SPIDR: variants seen among roughly 807,000 people sequenced by gnomAD.
SPIDR encodes scaffold protein involved in DNA repair, also known as DNA repair-scaffolding protein.
SPIDR carries 93 observed loss-of-function variants against 104.6 expected under a neutral mutation model. The ratio of observed to expected loss-of-function variants is 0.89; its 90% CI spans 0.75 to 1.06. SPIDR has a LOEUF of 1.06. SPIDR is among the 50% of genes least tolerant of loss of function. The probability of loss-of-function intolerance (pLI) is 0.00; values close to 1 mark genes in which losing one functional copy is unlikely to be tolerated. For missense variants in SPIDR, 1,154 were observed against 1,111.2 expected (o/e 1.04, Z -0.55); for synonymous variants, 431 against 416.9 (o/e 1.03, Z -0.41).
In SPIDR at chr8:47,533,685, A is replaced by G. The variant is rs796905376; in HGVS notation, c.1098-62126A>G. Among the ~76,000 whole-genome samples, 5 of 152,356 alleles carry G rather than the reference A, an allele frequency of 3.3e-5. No homozygotes were observed. The East Asian group carries it at 5.8e-4, about 18-fold the overall frequency. Reference sequence around the variant, plus strand: ...AAAAAAAACCTCAACATCACTGATCATTAGAGAAATGCAAATCAAAACCAC... The same window carrying G: ...AAAAAAAACCTCAACATCACTGATCGTTAGAGAAATGCAAATCAAAACCAC... On this transcript the variant is annotated intron_variant, in intron 8 of 19. Transcript: ENST00000297423.
intron 7 of SPIDR, among the ~76,000 whole-genome samples, chr8:47,436,539 A>G (rs1385307607): frequency 6.6e-6 from 1 of 152,050 alleles, no homozygotes; most frequent in Non-Finnish European, 1.5e-5. Context: ...CTGGGCAATA[A>G]AGTGAGACCC....
Position 47,293,858 on chromosome 8 carries a change from AT to A in SPIDR, c.362-3del. The A allele has an allele frequency of 1.3e-6, 2 of 1,598,888 alleles. No individual in the cohort carries two copies. The highest frequency in any genetic ancestry group is 1.7e-6 in the Non-Finnish European group (2 of 1,171,736). ...GATAATTAAGCAAGTTAAAAATTAT[AT>A]TTTTTAGATGAATTACAGTTTATCG... On this transcript the variant is annotated splice_polypyrimidine_tract_variant and splice_region_variant and intron_variant, in intron 4 of 19. Transcript: ENST00000297423.
chr8:47,297,165 A>G (rs1388759279), intron 5 of SPIDR, among the ~76,000 whole-genome samples: 1 of 152,174 alleles, frequency 6.6e-6, no homozygotes, highest in East Asian at 1.9e-4. Flanking sequence ...CAGCAAACAG[A>G]TGATTTCTCT....
At chr8:47,679,849 G>A (rs572845169) in intron 11 of SPIDR, among the ~76,000 whole-genome samples, 115 of 152,354 alleles carry the variant, frequency 7.5e-4, no homozygotes, top group East Asian at 3.1e-3. Context: ...CTCATTTACC[G>A]TTATATTTTC....
chr8:47,277,522 C>G (rs2154219309), intron 1 of SPIDR, among the ~76,000 whole-genome samples: 1 of 150,766 alleles, frequency 6.6e-6, no homozygotes, highest in South Asian at 2.1e-4. Context: ...AACATTCCCA[C>G]CCCTGCTAAT....
At chr8:47,447,628 G>C (rs535695659) in intron 8 of SPIDR, among the ~76,000 whole-genome samples, 1 of 152,296 alleles carries the variant, frequency 6.6e-6, no homozygotes, top group South Asian at 2.1e-4. Context: ...AGCAGCATCA[G>C]GTTTGAGAGG....
At chr8:47,400,329 T>G (rs911411295) in intron 6 of SPIDR, among the ~76,000 whole-genome samples, 3 of 152,244 alleles carry the variant, frequency 2.0e-5, no homozygotes, top group Non-Finnish European at 2.9e-5. Flanking sequence ...ATTTTCTTCT[T>G]GTGATTTCTA....
At chr8:47,322,458 G>A (rs1554596735) in intron 5 of SPIDR, among the ~76,000 whole-genome samples, 1 of 152,152 alleles carries the variant, frequency 6.6e-6, no homozygotes, top group African/African-American at 2.4e-5. Context: ...GAGAGGATGT[G>A]GAGAAATAGG....
At chr8:47,448,122 G>T (rs559796484) in intron 8 of SPIDR, among the ~76,000 whole-genome samples, 49 of 152,174 alleles carry the variant, frequency 3.2e-4, no homozygotes, top group African/African-American at 1.2e-3. Context: ...TCTTTTTATA[G>T]TTATATCACT....
chr8:47,557,042 C>T (rs2091409778), intron 8 of SPIDR, among the ~76,000 whole-genome samples: 1 of 152,128 alleles, frequency 6.6e-6, no homozygotes, highest in African/African-American at 2.4e-5. Context: ...CTGCATTTTC[C>T]CAGAGAGCAG....
chr8:47,639,790 A>G (rs2068563020), intron 10 of SPIDR, among the ~76,000 whole-genome samples: 1 of 152,118 alleles, frequency 6.6e-6, no homozygotes, highest in Non-Finnish European at 1.5e-5. Flanking sequence ...TCTACTAAAA[A>G]TACAAAAATT....
At chr8:47,596,893 T>A (rs1413201344) in intron 9 of SPIDR, among the ~76,000 whole-genome samples, 3 of 151,984 alleles carry the variant, frequency 2.0e-5, no homozygotes, top group South Asian at 2.1e-4. Context: ...ACATACACAA[T>A]AGCCTAGATC....
intron 10 of SPIDR, among the ~76,000 whole-genome samples, chr8:47,604,437 T>A (rs1382018150): frequency 6.6e-6 from 1 of 152,142 alleles, no homozygotes; most frequent in Non-Finnish European, 1.5e-5. Context: ...TTGCCCTGCT[T>A]GAAAGTCAGC....
intron 8 of SPIDR, chr8:47,511,531 G>C: frequency 1.3e-6 from 1 of 782,020 alleles, no homozygotes; most frequent in South Asian, 1.3e-5. Context: ...CTGGGCATCG[G>C]ATGGGTCTCA....
rs1447179573 is a variant in SPIDR at position 47,735,590 on chromosome 8, G to A, written c.*140G>A. 6 of 1,499,238 alleles carry A rather than the reference G, an allele frequency of 4.0e-6. No individual in the cohort carries two copies. The East Asian group carries it at 1.5e-4, about 37-fold the overall frequency. The allele number at this position is 1,499,238 out of a possible 1,614,324, so 92.9% of individuals were successfully genotyped here. ...TGAAATGAAACTTAGATTTTTCTGG[G>A]GAAATGTTCAGATACAGTTTTGTGA... On this transcript the variant is annotated 3_prime_UTR_variant, in exon 20 of 20. Coordinates refer to ENST00000297423, the MANE Select transcript of SPIDR (RefSeq NM_001080394.4).
At chr8:47,462,541 A>T (rs1302193518) in intron 8 of SPIDR, among the ~76,000 whole-genome samples, 2 of 152,196 alleles carry the variant, frequency 1.3e-5, no homozygotes, top group Non-Finnish European at 2.9e-5. Flanking sequence ...ACGAAAACAT[A>T]ATGTACTAAA....
At chr8:47,720,825 T>G (rs1238271387) in intron 16 of SPIDR, among the ~76,000 whole-genome samples, 2 of 152,104 alleles carry the variant, frequency 1.3e-5, no homozygotes, top group Admixed American at 6.5e-5. Flanking sequence ...TGGTGCAGTC[T>G]TGGCTCACTG....
At chr8:47,505,749 A>C (rs2081383027) in intron 8 of SPIDR, among the ~76,000 whole-genome samples, 1 of 152,182 alleles carries the variant, frequency 6.6e-6, no homozygotes, top group Non-Finnish European at 1.5e-5. Flanking sequence ...TCGGTACAGC[A>C]GCATTTCAAC....
At chr8:47,499,744 C>T (rs976316608) in intron 8 of SPIDR, among the ~76,000 whole-genome samples, 3 of 151,984 alleles carry the variant, frequency 2.0e-5, no homozygotes, top group Admixed American at 2.0e-4. Flanking sequence ...CCCAGTAACT[C>T]GTCATTTAAC....
Sources: gnomAD v4.1 joint callset for allele counts (sites outside exome capture counted in the v4.1 genomes callset) on GRCh38, gnomAD v4.1.1 for gene constraint, MANE v1.5 for transcripts, NCBI Gene and HGNC (gene_info 2026-07-23, HGNC 2026-07-21) for gene names.